EFR3A: variants seen among roughly 807,000 people sequenced by gnomAD.
EFR3A encodes protein EFR3 homolog A.
Under a neutral mutation model 104.4 loss-of-function variants are expected in EFR3A, and 76 were observed. The observed-to-expected ratio is 0.73, with a 90% confidence interval of 0.60 to 0.88. The LOEUF is 0.88. Ranked by LOEUF, EFR3A falls within the 40% of genes least tolerant of loss-of-function variation. EFR3A has a pLI of 0.00. For missense variants in EFR3A, 985 were observed against 1,012.5 expected (o/e 0.97, Z 0.37); for synonymous variants, 330 against 330.0 (o/e 1.00, Z 0.00).
intron 9 of EFR3A, among the ~76,000 whole-genome samples, chr8:131,969,330 G>C (rs1174111869): frequency 6.6e-6 from 1 of 152,058 alleles, no homozygotes. Flanking sequence ...GCAGGGGATT[G>C]GTTCGAGGAC....
intron 1 of EFR3A, among the ~76,000 whole-genome samples, chr8:131,907,800 A>C (rs1816325531): frequency 7.4e-6 from 1 of 135,506 alleles, no homozygotes; most frequent in Non-Finnish European, 1.6e-5. Flanking sequence ...CCCTTTCCTC[A>C]TTGTCCCTTT....
rs925591600 is a variant in EFR3A, at chr8:131,981,751, G to A, written c.1575+2330G>A. ...CAACTGTGTCTTAAATTACTACCCA[G>A]CCTAAAACTACTCCATCTGAATGTT... On this transcript the variant is annotated intron_variant, in intron 14 of 22. Coordinates refer to ENST00000254624, the MANE Select transcript of EFR3A (RefSeq NM_015137.6). 2.0e-5 allele frequency among the ~76,000 whole-genome samples: 3 copies of A among 151,958 alleles called. No individual in the cohort carries two copies. The East Asian group carries it at 5.8e-4, about 29-fold the overall frequency.
At chr8:131,936,970 G>A (rs150415109) in intron 1 of EFR3A, among the ~76,000 whole-genome samples, 2 of 151,918 alleles carry the variant, frequency 1.3e-5, no homozygotes, top group East Asian at 1.9e-4. Flanking sequence ...AGCCCCTCCC[G>A]CATCCTTAGA....
At chr8:131,931,713 G>A (rs1817619541) in intron 1 of EFR3A, among the ~76,000 whole-genome samples, 1 of 151,852 alleles carries the variant, frequency 6.6e-6, no homozygotes, top group Non-Finnish European at 1.5e-5. Context: ...TTTGATACAT[G>A]GTAAGTATTA....
intron 19 of EFR3A, among the ~76,000 whole-genome samples, chr8:131,999,016 C>G (rs1260155511): frequency 6.6e-6 from 1 of 151,968 alleles, no homozygotes; most frequent in African/African-American, 2.4e-5. Flanking sequence ...GAATAAAGCA[C>G]TATAGGCATG....
At chr8:132,003,375 G>A in intron 22 of EFR3A, 90 bp downstream of exon 22, 1 of 1,166,346 alleles carries the variant, frequency 8.6e-7, no homozygotes, top group Non-Finnish European at 1.3e-6. Flanking sequence ...TTATGTTTAA[G>A]TTATCATGTT....
At chr8:131,988,560 T>G (rs1821014711) in intron 18 of EFR3A, among the ~76,000 whole-genome samples, 1 of 152,092 alleles carries the variant, frequency 6.6e-6, no homozygotes, top group Admixed American at 6.6e-5. Context: ...ATTTTATGCT[T>G]TAAAAGATTG....
intron 5 of EFR3A, among the ~76,000 whole-genome samples, chr8:131,952,419 C>G: frequency 6.6e-6 from 1 of 151,674 alleles, no homozygotes; most frequent in Middle Eastern, 3.2e-3. Context: ...GCTATAGTAG[C>G]TATTGGTAGT....
intron 1 of EFR3A, among the ~76,000 whole-genome samples, chr8:131,917,208 A>G (rs914102667): frequency 1.3e-5 from 2 of 152,248 alleles, no homozygotes; most frequent in Non-Finnish European, 2.9e-5. Flanking sequence ...TATTCACACA[A>G]GGAACTGAGG....
At chr8:131,932,064 T>G (rs1817638447) in intron 1 of EFR3A, among the ~76,000 whole-genome samples, 1 of 152,072 alleles carries the variant, frequency 6.6e-6, no homozygotes, top group Non-Finnish European at 1.5e-5. Flanking sequence ...TGTAAATAAG[T>G]GATTTGCAAG....
At chr8:131,915,491 C>G (rs979916258) in intron 1 of EFR3A, among the ~76,000 whole-genome samples, 3 of 152,274 alleles carry the variant, frequency 2.0e-5, no homozygotes, top group Admixed American at 6.5e-5. Context: ...CTGGAGAATA[C>G]AGAGGTGAAT....
At chr8:131,928,187 A>G (rs763204337) in intron 1 of EFR3A, among the ~76,000 whole-genome samples, 1 of 151,556 alleles carries the variant, frequency 6.6e-6, no homozygotes, top group Non-Finnish European at 1.5e-5. Flanking sequence ...TGTTCTTTGA[A>G]TGTCTCTCCT....
chr8:131,971,868 T>C (rs1389344162), intron 10 of EFR3A, among the ~76,000 whole-genome samples: 1 of 152,172 alleles, frequency 6.6e-6, no homozygotes, highest in Admixed American at 6.5e-5. Context: ...TTTTTTCCAT[T>C]GCAAATAATA....
intron 8 of EFR3A, among the ~76,000 whole-genome samples, chr8:131,961,664 A>G (rs2130655763): frequency 6.6e-6 from 1 of 152,338 alleles, no homozygotes; most frequent in South Asian, 2.1e-4. Flanking sequence ...AACTTCCCCA[A>G]TCTAGCAAGG....
chr8:131,995,643 T>G (rs1212281592), intron 18 of EFR3A, among the ~76,000 whole-genome samples: 1 of 152,202 alleles, frequency 6.6e-6, no homozygotes, highest in Non-Finnish European at 1.5e-5. Context: ...CGTGGAATTT[T>G]ATTTAAAAGC....
At chr8:131,968,470 G>C (rs749444245) in intron 9 of EFR3A, 40 bp downstream of exon 9, 3 of 1,598,044 alleles carry the variant, frequency 1.9e-6, no homozygotes, top group Non-Finnish European at 2.6e-6. Flanking sequence ...GCGTTGATCT[G>C]GTTCAAAGTG....
At chr8:131,966,718 C>G (rs1819757712) in intron 8 of EFR3A, among the ~76,000 whole-genome samples, 1 of 152,064 alleles carries the variant, frequency 6.6e-6, no homozygotes, top group Non-Finnish European at 1.5e-5. Context: ...GAGTTTGGCT[C>G]CAGGGCTTAT....
chr8:131,961,750 A>G (rs1259658624), intron 8 of EFR3A, among the ~76,000 whole-genome samples: 2 of 152,196 alleles, frequency 1.3e-5, no homozygotes, highest in Admixed American at 6.5e-5. Context: ...TCCAAGACAC[A>G]TAATTGTCAG....
chr8:131,924,383 T>C (rs1817196977), intron 1 of EFR3A, among the ~76,000 whole-genome samples: 1 of 152,170 alleles, frequency 6.6e-6, no homozygotes, highest in Non-Finnish European at 1.5e-5. Context: ...TTCATCATGC[T>C]ACTGCCCTAC....
Sources: allele counts gnomAD v4.1 joint callset (sites outside exome capture counted in the v4.1 genomes callset), GRCh38; gene constraint gnomAD v4.1.1; transcripts MANE v1.5; gene names NCBI Gene and HGNC (gene_info 2026-07-23, HGNC 2026-07-21).